The following SPAG16 variants were observed in gnomAD, a reference collection of about 807,000 sequenced individuals.
SPAG16 encodes sperm-associated antigen 16 protein.
In SPAG16, 86 loss-of-function variants were observed where a neutral mutation model predicts 80.4. That is an observed-to-expected ratio of 1.07 (90% CI 0.90 to 1.28). The LOEUF is 1.28. Ranked by LOEUF, SPAG16 falls within the 50% of genes most tolerant of loss-of-function variation. The pLI is 0.00. For synonymous variants in SPAG16, 294 were observed against 265.9 expected, an observed-to-expected ratio of 1.11 and a Z score of -1.03; for missense variants, 870 against 765.3, an observed-to-expected ratio of 1.14 and a Z score of -1.61.
chr2:213,445,122 A>G (rs1462780331), intron 9 of SPAG16, among the ~76,000 whole-genome samples: 2 of 152,162 alleles, frequency 1.3e-5, no homozygotes, highest in African/African-American at 4.8e-5. Flanking sequence ...TATCACTAAA[A>G]CACAGGTGAC....
chr2:214,345,661 G>A (rs1441642679), intron 15 of SPAG16, among the ~76,000 whole-genome samples: 2 of 151,954 alleles, frequency 1.3e-5, no homozygotes, highest in East Asian at 1.9e-4. Flanking sequence ...AACATTATCA[G>A]CACCTCAAAA....
intron 10 of SPAG16, among the ~76,000 whole-genome samples, chr2:213,693,772 G>A (rs1351130208): frequency 6.6e-6 from 1 of 152,134 alleles, no homozygotes; most frequent in Non-Finnish European, 1.5e-5. Flanking sequence ...TCAAGTAGTT[G>A]CTTTTGTAGC....
At chr2:213,922,159 A>G (rs757416304) in intron 11 of SPAG16, among the ~76,000 whole-genome samples, 34 of 152,176 alleles carry the variant, frequency 2.2e-4, no homozygotes, top group Non-Finnish European at 4.1e-4. Context: ...CAGGGACACC[A>G]ATGAGTCATA....
At chr2:213,292,181 G>T (rs541261742) in intron 1 of SPAG16, among the ~76,000 whole-genome samples, 20 of 152,194 alleles carry the variant, frequency 1.3e-4, no homozygotes, top group African/African-American at 4.8e-4. Flanking sequence ...AGCTTTTAGA[G>T]TATTTACTTC....
chr2:214,289,720 T>G (rs1026755377), intron 15 of SPAG16, among the ~76,000 whole-genome samples: 32 of 152,152 alleles, frequency 2.1e-4, no homozygotes, highest in African/African-American at 7.0e-4. Context: ...TTGCTCTTTT[T>G]TGGTTTGATA....
chr2:214,211,393 C>A (rs1404830123), intron 15 of SPAG16, among the ~76,000 whole-genome samples: 1 of 152,202 alleles, frequency 6.6e-6, no homozygotes, highest in Non-Finnish European at 1.5e-5. Context: ...ATGGGTACAA[C>A]TGGCCTTGAG....
intron 11 of SPAG16, among the ~76,000 whole-genome samples, chr2:213,887,473 A>G (rs918852646): frequency 2.0e-5 from 3 of 152,024 alleles, no homozygotes. Flanking sequence ...GAGATGAATA[A>G]CATAAAGATG....
chr2:213,300,031 G>T (rs1300279389), intron 3 of SPAG16, among the ~76,000 whole-genome samples: 1 of 151,786 alleles, frequency 6.6e-6, no homozygotes, highest in African/African-American at 2.4e-5. Context: ...CCATTTTTTT[G>T]GATAATTCTT....
chr2:213,544,809 T>G (rs2076563642), intron 10 of SPAG16, among the ~76,000 whole-genome samples: 1 of 152,158 alleles, frequency 6.6e-6, no homozygotes, highest in Non-Finnish European at 1.5e-5. Context: ...TTTCACTTGG[T>G]AAAATACATT....
chr2:213,284,865 A>G, intron 1 of SPAG16: 1 of 495,394 alleles, frequency 2.0e-6, no homozygotes, highest in Non-Finnish European at 3.5e-6. Context: ...CCAAGGCCTC[A>G]TACTTAGTAA....
intron 13 of SPAG16, among the ~76,000 whole-genome samples, chr2:214,103,158 A>T (rs1274135457): frequency 6.6e-6 from 1 of 152,140 alleles, no homozygotes; most frequent in African/African-American, 2.4e-5. Context: ...CATGCCCAAG[A>T]AGCTGCTTCT....
chr2:213,386,520 C>G (rs2067438736), intron 9 of SPAG16, among the ~76,000 whole-genome samples: 1 of 152,170 alleles, frequency 6.6e-6, no homozygotes, highest in Admixed American at 6.5e-5. Context: ...GGATTGATAA[C>G]TTTCCCTAAA....
chr2:213,549,551 G>A (rs1235031865), intron 10 of SPAG16, among the ~76,000 whole-genome samples: 1 of 152,062 alleles, frequency 6.6e-6, no homozygotes, highest in Non-Finnish European at 1.5e-5. Flanking sequence ...CAGCAACTTG[G>A]TTGTCTCTAT....
chr2:214,273,908 T>C (rs1181255476), intron 15 of SPAG16, among the ~76,000 whole-genome samples: 1 of 152,218 alleles, frequency 6.6e-6, no homozygotes. Flanking sequence ...TTTCACGATA[T>C]TGATTCTTCC....
intron 3 of SPAG16, among the ~76,000 whole-genome samples, chr2:213,297,826 A>T (rs183964240): frequency 6.6e-6 from 1 of 152,188 alleles, no homozygotes; most frequent in Non-Finnish European, 1.5e-5. Context: ...TTATAATACA[A>T]TGAACTAAAA....
At chr2:213,506,557 C>T (rs999569678) in intron 10 of SPAG16, among the ~76,000 whole-genome samples, 3 of 152,054 alleles carry the variant, frequency 2.0e-5, no homozygotes, top group African/African-American at 4.8e-5. Flanking sequence ...GAAATCCTTC[C>T]TCATCTTATC....
At chr2:214,242,341 C>T (rs977858973) in intron 15 of SPAG16, among the ~76,000 whole-genome samples, 5 of 152,092 alleles carry the variant, frequency 3.3e-5, no homozygotes, top group South Asian at 4.2e-4. Flanking sequence ...TACATGACAC[C>T]GCAGAGATGG....
intron 9 of SPAG16, among the ~76,000 whole-genome samples, chr2:213,475,325 C>A (rs1413175766): frequency 6.6e-6 from 1 of 152,094 alleles, no homozygotes; most frequent in Non-Finnish European, 1.5e-5. Flanking sequence ...GGGGCATGAG[C>A]AAGGCTTGGA....
rs961018193 is a variant in SPAG16 at position 214,285,803 on chromosome 2, A to AAAT, written c.1721-124322_1721-124320dup. On this transcript the variant is annotated intron_variant, in intron 15 of 15. Transcript: ENST00000331683. Reference sequence around the variant, plus strand: ...TGGCGATAATGCAAGACTCCATCTCAAATAATAATAATAATAAATAAATAA... The same window carrying AAAT: ...TGGCGATAATGCAAGACTCCATCTCAAATAATAATAATAATAATAAATAAATAA... Among the ~76,000 whole-genome samples the AAAT allele has an allele frequency of 3.3e-5, 5 of 151,972 alleles. 1 individual carries two copies. Among genetic ancestry groups the AAAT allele is most frequent in the East Asian group, 3.9e-4 (2 of 5,190 alleles).
Sources: allele counts gnomAD v4.1 joint callset (sites outside exome capture counted in the v4.1 genomes callset), GRCh38; gene constraint gnomAD v4.1.1; transcripts MANE v1.5; gene names NCBI Gene and HGNC (gene_info 2026-07-23, HGNC 2026-07-21).